Variants in CRAMP1 observed in about 807,000 individuals in gnomAD.
CRAMP1 encodes the protein protein cramped-like.
Under a neutral mutation model 115.4 loss-of-function variants are expected in CRAMP1, and 50 were observed. That is an observed-to-expected ratio of 0.43 (90% CI 0.35 to 0.55). CRAMP1 has a LOEUF of 0.55. CRAMP1 is among the 20% of genes least tolerant of loss of function. The probability of loss-of-function intolerance (pLI) is 0.01; values close to 1 mark genes in which losing one functional copy is unlikely to be tolerated. For missense variants in CRAMP1, 1,679 were observed against 1,721.7 expected, an observed-to-expected ratio of 0.98 and a Z score of 0.44; for synonymous variants, 866 against 745.4, an observed-to-expected ratio of 1.16 and a Z score of -2.64.
Position 1,656,479 on chromosome 16 carries a change from C to G in CRAMP1, c.1722C>G (p.Pro574=), listed in dbSNP as rs80154657. The change falls in exon 10 of 21, where the codon CCC becomes CCG. Residue 574 remains proline (P), a synonymous_variant. Coordinates refer to ENST00000397412, the MANE Select transcript of CRAMP1 (RefSeq NM_020825.4). This position sits in a 1 kb window ranked among gnomAD's most constrained non-coding sequence, Gnocchi z 5.6. ...YLKSCQDLIV[P]EQCRCADTRP... is the part of the protein sequence containing the mutation. ...AGTCCTGTCAGGACCTCATTGTCCC[C>G]GAGCAGTGCCGCTGTGCGGACACAC... 3.5e-3 allele frequency: 5,498 copies of G among 1,578,086 alleles called. 179 individuals carry two copies. In the African/African-American group the frequency reaches 0.063, roughly 18 times the overall value.
rs1450505016 is a variant in CRAMP1 at position 1,662,801 on chromosome 16, G to A, written c.2636G>A (p.Arg879Gln). ...TTCCTGCCAAAGCCCCGGAAGCTGC[G>A]GAACCGGCACCTGCGGAAGCCACTG... ...DFFLPKPRKL[R>Q]NRHLRKPLVV... The change falls in exon 13 of 21, where the codon CGG becomes CAG. Residue 879 changes from arginine (R) to glutamine (Q), a missense_variant. Arg to Gln is a conservative substitution (Grantham distance 43). This residue lies in a region of CRAMP1 where 709 missense variants were observed against 741.9 expected (regional missense o/e 0.96). Transcript: ENST00000397412. 9.3e-6 allele frequency: 15 copies of A among 1,613,742 alleles called. No individual in the cohort carries two copies. Among genetic ancestry groups the A allele is most frequent in the East Asian group, 6.7e-5 (3 of 44,892 alleles).
At chr16:1,663,299 TACAG>T (rs1187975454) in intron 13 of CRAMP1, among the ~76,000 whole-genome samples, 3 of 152,150 alleles carry the variant, frequency 2.0e-5, no homozygotes, top group Non-Finnish European at 4.4e-5. Context: ...CGCATAAAAA[TACAG>T]AAAGTGAGGT....
At chr16:1,620,512 T>G in intron 2 of CRAMP1, 1 of 410,958 alleles carries the variant, frequency 2.4e-6, no homozygotes, top group East Asian at 7.4e-5. Context: ...ACTCTTGATT[T>G]TACTATTCCT....
In CRAMP1 at chr16:1,675,001, C is replaced by T. The variant is rs1012511764; in HGVS notation, c.*956C>T. On this transcript the variant is annotated 3_prime_UTR_variant, in exon 21 of 21. Transcript: ENST00000397412. ...AAACCTGCCTTTGCAGGGAAAGTGT[C>T]TCTCACGGGCATTGGTGTGGGCGTG... The T allele has an allele frequency of 2.0e-5, 3 of 152,232 alleles. No homozygotes were observed. The highest frequency in any genetic ancestry group is 4.4e-5 in the Non-Finnish European group (3 of 68,052). 9.4% of individuals were successfully genotyped at this position (152,232 alleles called of 1,614,324 possible).
In CRAMP1 at chr16:1,667,235, G is replaced by C. The variant is rs2142207474; in HGVS notation, c.3037-100G>C. ...TGTCCCTCTGCTGTTAGGAGGCCAGGGGGATGGAACGCCTCTTTTTCTGGA... is the reference window on the plus strand; with the variant it reads ...TGTCCCTCTGCTGTTAGGAGGCCAGCGGGATGGAACGCCTCTTTTTCTGGA... On this transcript the variant is annotated intron_variant, in intron 16 of 20. Coordinates refer to ENST00000397412, the MANE Select transcript of CRAMP1 (RefSeq NM_020825.4). 12 of 891,634 alleles carry C rather than the reference G, an allele frequency of 1.3e-5. 1 individual carries two copies. In the South Asian group the frequency reaches 1.7e-4, roughly 12 times the overall value. The allele number at this position is 891,634 out of a possible 1,614,324, so 55.2% of individuals were successfully genotyped here. A position where few individuals can be genotyped will look rare whatever the true frequency, so the allele number is the denominator to read the frequency against.
intron 6 of CRAMP1, among the ~76,000 whole-genome samples, chr16:1,643,576 CT>C (rs1460592711): frequency 1.3e-5 from 2 of 151,710 alleles, no homozygotes; most frequent in African/African-American, 4.8e-5. Flanking sequence ...TCAGGTGGTT[CT>C]GCCGAGGGAA....
rs368110399 is a variant in CRAMP1 at position 1,616,509 on chromosome 16, G to A, written c.346+1524G>A. Among the ~76,000 whole-genome samples the A allele has an allele frequency of 3.9e-5, 6 of 152,322 alleles. No homozygotes were observed. In the East Asian group the frequency reaches 7.7e-4, roughly 20 times the overall value. On this transcript the variant is annotated intron_variant, in intron 2 of 20. Coordinates refer to ENST00000397412, the MANE Select transcript of CRAMP1 (RefSeq NM_020825.4). Reference sequence around the variant, plus strand: ...TGTGAAAGCACTCTCAGACGTGTACGTGGCTACTTGTATGTATAAGTGAAG... The same window carrying A: ...TGTGAAAGCACTCTCAGACGTGTACATGGCTACTTGTATGTATAAGTGAAG...
rs191080107 is a variant in CRAMP1, at chr16:1,640,289, C to T, written c.779-850C>T. 3.7e-4 allele frequency among the ~76,000 whole-genome samples: 56 copies of T among 152,206 alleles called. 1 individual carries two copies. Among genetic ancestry groups the T allele is most frequent in the South Asian group, 2.5e-3 (12 of 4,828 alleles). ...TGCCGGATAGAGAATTCTGATCTGA[C>T]GGGTTCATTCTTTCATCACATTGAC... On this transcript the variant is annotated intron_variant, in intron 5 of 20. Coordinates refer to ENST00000397412, the MANE Select transcript of CRAMP1 (RefSeq NM_020825.4).
rs533832759 is a variant in CRAMP1 at position 1,656,739 on chromosome 16, C to G, written c.1982C>G (p.Pro661Arg). The change falls in exon 10 of 21, where the codon CCG (proline) becomes CGG (arginine). Residue 661 changes from proline (P) to arginine (R), a missense_variant. Around this residue, in one of 8 missense-constraint regions of CRAMP1, gnomAD observed 405 missense variants for 302.6 expected, o/e 1.34. Coordinates refer to ENST00000397412, the MANE Select transcript of CRAMP1 (RefSeq NM_020825.4). The surrounding 1 kb of genome is among the most constrained non-coding windows in gnomAD (Gnocchi z 5.6). ...CAGGGACAGCCTGCCGCCAGGCCCCCGAAGGAGGTCCCCGCCAGCCGGCTG... is the reference window on the plus strand; with the variant it reads ...CAGGGACAGCCTGCCGCCAGGCCCCGGAAGGAGGTCCCCGCCAGCCGGCTG... ...PSQGQPAARP[P>R]KEVPASRLAQ... The G allele has an allele frequency of 5.9e-5, 91 of 1,549,816 alleles. No individual in the cohort carries two copies. In the Admixed American group the frequency reaches 1.5e-3, roughly 25 times the overall value.
At chr16:1,629,551 T>C (rs929867271) in intron 3 of CRAMP1, among the ~76,000 whole-genome samples, 1 of 152,162 alleles carries the variant, frequency 6.6e-6, no homozygotes, top group African/African-American at 2.4e-5. Flanking sequence ...CCTGGGACTT[T>C]AGGAGGCAGC....
intron 4 of CRAMP1, 52 bp downstream of exon 4, chr16:1,632,417 C>T: frequency 6.6e-7 from 1 of 1,518,806 alleles, no homozygotes; most frequent in Non-Finnish European, 8.9e-7. Context: ...GGGCCGGCTT[C>T]TGCTCAGAGC....
intron 2 of CRAMP1, among the ~76,000 whole-genome samples, chr16:1,623,399 A>G (rs990510123): frequency 6.6e-6 from 1 of 152,202 alleles, no homozygotes; most frequent in Admixed American, 6.5e-5. Flanking sequence ...CCATTCTGTT[A>G]GCCTTTACTG....
Position 1,672,693 on chromosome 16 carries a change from A to G in CRAMP1, c.3646-1188A>G, listed in dbSNP as rs988861798. On this transcript the variant is annotated intron_variant, in intron 20 of 20. Transcript: ENST00000397412. This position sits in a 1 kb window ranked among gnomAD's most constrained non-coding sequence, Gnocchi z 4.9. Reference sequence around the variant, plus strand: ...GCAGTTCATTAAGGGATATTTCTGCAGGGTCTGCTGTGTGCAAACAATGGC... The same window carrying G: ...GCAGTTCATTAAGGGATATTTCTGCGGGGTCTGCTGTGTGCAAACAATGGC... Among the ~76,000 whole-genome samples, 5 of 152,242 alleles carry G rather than the reference A, an allele frequency of 3.3e-5. No homozygotes were observed. Among genetic ancestry groups the G allele is most frequent in the African/African-American group, 4.8e-5 (2 of 41,468 alleles).
At chr16:1,634,257 C>T (rs1386338775) in intron 4 of CRAMP1, among the ~76,000 whole-genome samples, 11 of 152,216 alleles carry the variant, frequency 7.2e-5, no homozygotes, top group Non-Finnish European at 1.6e-4. Context: ...CCTCAGGCTC[C>T]TGGCGTAGAC....
At chr16:1,645,971 C>G (rs1394026187) in intron 6 of CRAMP1, among the ~76,000 whole-genome samples, 3 of 152,154 alleles carry the variant, frequency 2.0e-5, no homozygotes, top group Non-Finnish European at 4.4e-5. Context: ...CTTTGCGCCA[C>G]TCTCCGTTCC....
At position 1,655,915 on chromosome 16, in the gene CRAMP1, C is replaced by G. The variant is rs2036767411; in HGVS notation, c.1158C>G (p.Cys386Trp). The change falls in exon 10 of 21, where the codon TGC becomes TGG. Residue 386 changes from cysteine to tryptophan, a missense_variant. Around this residue, in one of 8 missense-constraint regions of CRAMP1, gnomAD observed 191 missense variants for 236.2 expected, o/e 0.81. Transcript: ENST00000397412. ...AGGAGCGGCAGCTGCAGGACTCATG[C>G]TCCGCACCGATGCAGGAGAAGGTGA... ...TLEERQLQDSCSAPMQEKVTL... is the reference protein window; with the variant it reads ...TLEERQLQDSWSAPMQEKVTL... 4 of 1,612,638 alleles carry G rather than the reference C, an allele frequency of 2.5e-6. 1 individual carries two copies. The highest frequency in any genetic ancestry group is 2.2e-5 in the South Asian group (2 of 91,064).
At chr16:1,641,662 A>G (rs1433706069) in intron 6 of CRAMP1, among the ~76,000 whole-genome samples, 1 of 152,152 alleles carries the variant, frequency 6.6e-6, no homozygotes, top group Non-Finnish European at 1.5e-5. Context: ...TGACTCCCAG[A>G]GGGCACATGC....
chr16:1,660,437 A>G (rs920890696), intron 11 of CRAMP1, among the ~76,000 whole-genome samples: 1 of 152,222 alleles, frequency 6.6e-6, no homozygotes, highest in African/African-American at 2.4e-5. Flanking sequence ...GTAAAACCTC[A>G]GAATAGAGAA....
At chr16:1,673,070 C>G (rs926485739) in intron 20 of CRAMP1, among the ~76,000 whole-genome samples, 1 of 152,164 alleles carries the variant, frequency 6.6e-6, no homozygotes, top group Non-Finnish European at 1.5e-5. Flanking sequence ...GGATCGTGCC[C>G]TCCACCTGTC....
Sources: allele counts gnomAD v4.1 joint callset (sites outside exome capture counted in the v4.1 genomes callset), GRCh38; gene constraint gnomAD v4.1.1; regional missense constraint gnomAD v4.1.1; non-coding constraint Gnocchi (gnomAD v3.1); transcripts MANE v1.5; gene names NCBI Gene and HGNC (gene_info 2026-07-23, HGNC 2026-07-21).